The following ACOXL variants were observed in gnomAD, a reference collection of about 807,000 sequenced individuals.
ACOXL encodes acyl-CoA oxidase like.
Under a neutral mutation model 71.9 loss-of-function variants are expected in ACOXL, and 70 were observed. The ratio of observed to expected loss-of-function variants is 0.97; its 90% CI spans 0.80 to 1.19. The LOEUF (loss-of-function observed/expected upper bound fraction) is 1.19. Ranked by LOEUF, ACOXL falls within the 50% of genes most tolerant of loss-of-function variation. The pLI is 0.00. For synonymous variants in ACOXL, 253 were observed against 281.6 expected (o/e 0.90, Z 1.02); for missense variants, 703 against 736.3 (o/e 0.95, Z 0.52).
intron 14 of ACOXL, among the ~76,000 whole-genome samples, chr2:111,003,059 C>T (rs1313731964): frequency 6.6e-6 from 1 of 152,122 alleles, no homozygotes; most frequent in African/African-American, 2.4e-5. Flanking sequence ...ATTAGAAGCT[C>T]TCTGGTACTT....
At chr2:110,978,102 C>T (rs1046384400) in intron 12 of ACOXL, among the ~76,000 whole-genome samples, 32 of 152,174 alleles carry the variant, frequency 2.1e-4, no homozygotes, top group African/African-American at 7.5e-4. Context: ...TAGTCCATGT[C>T]TTCTTCTGTA....
intron 10 of ACOXL, among the ~76,000 whole-genome samples, chr2:110,854,622 T>C (rs997448694): frequency 6.6e-6 from 1 of 152,152 alleles, no homozygotes; most frequent in Non-Finnish European, 1.5e-5. Flanking sequence ...ATTTAAGTAA[T>C]GACTGAGTAG....
intron 7 of ACOXL, among the ~76,000 whole-genome samples, chr2:110,800,511 A>ATTTT (rs113596812): frequency 4.1e-5 from 6 of 146,550 alleles, no homozygotes; most frequent in Admixed American, 2.0e-4. Context: ...TGATACATGA[A>ATTTT]TTTTTTTTTT....
intron 2 of ACOXL, among the ~76,000 whole-genome samples, chr2:110,776,588 G>A (rs1314197719): frequency 6.6e-6 from 1 of 152,082 alleles, no homozygotes; most frequent in Non-Finnish European, 1.5e-5. Flanking sequence ...AGAGGGAACA[G>A]CAGTCATGAA....
At chr2:110,856,718 C>G (rs1001138544) in intron 10 of ACOXL, among the ~76,000 whole-genome samples, 1 of 152,266 alleles carries the variant, frequency 6.6e-6, no homozygotes. Flanking sequence ...AAGACATGGA[C>G]AGGAATATGT....
At chr2:110,744,415 A>T (rs754888319) in intron 1 of ACOXL, among the ~76,000 whole-genome samples, 2 of 152,210 alleles carry the variant, frequency 1.3e-5, no homozygotes, top group Non-Finnish European at 2.9e-5. Flanking sequence ...GTTTGACATT[A>T]TATGTTATGT....
In ACOXL at chr2:111,071,860, G is replaced by A. The variant is rs116289400; in HGVS notation, c.1441-21005G>A. 1.0e-3 allele frequency among the ~76,000 whole-genome samples: 152 copies of A among 152,324 alleles called. 1 individual carries two copies. Among genetic ancestry groups the A allele is most frequent in the African/African-American group, 3.4e-3 (143 of 41,568 alleles). ...GTTCCACAAATGCACACTGAGCCCT[G>A]ATGCCAGGCTAGGCCCTGTGGGGAA... On this transcript the variant is annotated intron_variant, in intron 16 of 17. Transcript: ENST00000439055.
At chr2:110,862,514 AG>A (rs1320568009) in intron 10 of ACOXL, among the ~76,000 whole-genome samples, 9 of 152,190 alleles carry the variant, frequency 5.9e-5, no homozygotes, top group Non-Finnish European at 1.5e-5. Context: ...GAGAGCAAAA[AG>A]GGGGCCTCTT....
intron 16 of ACOXL, among the ~76,000 whole-genome samples, chr2:111,081,434 G>T (rs1396663111): frequency 1.3e-5 from 2 of 152,104 alleles, no homozygotes; most frequent in African/African-American, 2.4e-5. Flanking sequence ...GCTACAAAGA[G>T]AATAAAATAT....
chr2:110,754,905 A>T (rs778233887), intron 1 of ACOXL, among the ~76,000 whole-genome samples: 1 of 152,172 alleles, frequency 6.6e-6, no homozygotes, highest in Non-Finnish European at 1.5e-5. Flanking sequence ...CAAACTGTCA[A>T]ACTTTTCTAG....
intron 5 of ACOXL, 21 bp downstream of exon 5, chr2:110,794,195 C>T: frequency 6.2e-7 from 1 of 1,611,584 alleles, no homozygotes; most frequent in Non-Finnish European, 8.5e-7. Context: ...CATCCTTCTC[C>T]TGCCGTGCAG....
Position 110,799,217 on chromosome 2 carries a change from CCA to C in ACOXL, c.547+118_547+119del, listed in dbSNP as rs1320053403. The stretch of plus-strand genomic sequence containing the variant: ...AGCACTGAGGGTGGAGAAAACTTCC[CCA>C]GAGAAGATGTCCAGATTTTGAAGCC... On this transcript the variant is annotated intron_variant, in intron 7 of 17. Transcript: ENST00000439055. 12 of 960,348 alleles carry C rather than the reference CCA, an allele frequency of 1.2e-5. No homozygotes were observed. In the Admixed American group the frequency reaches 2.1e-4, roughly 17 times the overall value. 59.5% of individuals were successfully genotyped at this position (960,348 alleles called of 1,614,324 possible).
intron 11 of ACOXL, among the ~76,000 whole-genome samples, chr2:110,925,420 C>T (rs376403978): frequency 3.3e-5 from 5 of 152,254 alleles, no homozygotes; most frequent in African/African-American, 1.2e-4. Context: ...TTCTGGATAA[C>T]TTGCTGCTTA....
Position 110,933,639 on chromosome 2 carries a change from C to T in ACOXL, c.1056C>T (p.Gly352=), listed in dbSNP as rs747798291. Residue 352 remains glycine (G), a synonymous_variant, in exon 12 of 18, where the codon GGC becomes GGT. Coordinates refer to ENST00000439055, the MANE Select transcript of ACOXL (RefSeq NM_001142807.4). The stretch of plus-strand genomic sequence containing the variant: ...AGGACTGCCGCGAGTGCACTGGAGG[C>T]ATGGTGAGCCCCAAGGCCTGCAGCC... ...CLQDCRECTG[G]MVVGRELLAQ... 1.2e-6 allele frequency: 2 copies of T among 1,609,872 alleles called. No homozygotes were observed. The highest frequency in any genetic ancestry group is 8.5e-7 in the Non-Finnish European group (1 of 1,178,434).
intron 2 of ACOXL, among the ~76,000 whole-genome samples, chr2:110,784,134 C>T (rs1683659153): frequency 6.6e-6 from 1 of 152,116 alleles, no homozygotes; most frequent in Admixed American, 6.6e-5. Context: ...TCAAGATGGT[C>T]ACTGAAGCTG....
chr2:111,013,758 A>G lies in ACOXL; in HGVS notation c.1281+17754A>G, dbSNP rs1050692787. On this transcript the variant is annotated intron_variant, in intron 14 of 17. Transcript: ENST00000439055. ...ATCAAACATTTAAAGACAAAATAGT[A>G]TCAGTCTTACATAAAACTCTTTCAA... 7.1e-4 allele frequency among the ~76,000 whole-genome samples: 108 copies of G among 152,194 alleles called. 3 individuals are homozygous for G. The highest frequency in any genetic ancestry group is 1.9e-4 in the Non-Finnish European group (13 of 68,030).
intron 10 of ACOXL, among the ~76,000 whole-genome samples, chr2:110,903,569 TA>T (rs1354126685): frequency 6.6e-6 from 1 of 152,200 alleles, no homozygotes; most frequent in Non-Finnish European, 1.5e-5. Flanking sequence ...GGTATTGAAA[TA>T]AAAATTATAT....
intron 12 of ACOXL, among the ~76,000 whole-genome samples, chr2:110,945,841 G>C (rs188524259): frequency 6.6e-6 from 1 of 151,786 alleles, no homozygotes; most frequent in African/African-American, 2.4e-5. Flanking sequence ...CTTTGGTTCC[G>C]TATGAATTTT....
At chr2:110,738,790 A>T (rs976461818) in intron 1 of ACOXL, among the ~76,000 whole-genome samples, 1 of 151,804 alleles carries the variant, frequency 6.6e-6, no homozygotes, top group Non-Finnish European at 1.5e-5. Flanking sequence ...CAGATGTTGT[A>T]CCTCCTTGCC....
Sources: allele counts gnomAD v4.1 joint callset (sites outside exome capture counted in the v4.1 genomes callset), GRCh38; gene constraint gnomAD v4.1.1; transcripts MANE v1.5; gene names NCBI Gene and HGNC (gene_info 2026-07-23, HGNC 2026-07-21).